The following THEMIS variants were observed in gnomAD, a reference collection of about 807,000 sequenced individuals.
The protein encoded by THEMIS is protein THEMIS.
Under a neutral mutation model 52.6 loss-of-function variants are expected in THEMIS, and 37 were observed. The ratio of observed to expected loss-of-function variants is 0.70; its 90% confidence interval spans 0.54 to 0.93. THEMIS has a LOEUF of 0.93. Ranked by LOEUF, THEMIS falls within the 40% of genes least tolerant of loss-of-function variation. THEMIS has a pLI of 0.00. For synonymous variants in THEMIS, 292 were observed against 272.7 expected (o/e 1.07, Z -0.70); for missense variants, 808 against 763.1 (o/e 1.06, Z -0.69).
the THEMIS span, among the ~76,000 whole-genome samples, chr6:127,696,870 G>A: frequency 8.6e-5 from 13 of 151,990 alleles, no homozygotes; most frequent in South Asian, 2.5e-3. Context: ...TACTGGATTG[G>A]GCCCATCTTA....
chr6:127,835,920 T>C (rs896812537), intron 2 of THEMIS, among the ~76,000 whole-genome samples: 6 of 152,150 alleles, frequency 3.9e-5, no homozygotes, highest in Non-Finnish European at 7.3e-5. Context: ...ACCATCATAA[T>C]TTTATGCCCA....
chr6:127,787,868 TAGATAGATAGATATAG>T (rs1777017901), intron 4 of THEMIS, among the ~76,000 whole-genome samples: 1 of 106,390 alleles, frequency 9.4e-6, no homozygotes, highest in East Asian at 2.9e-4. Context: ...GATAGATAGA[TAGATAGATAGATATAG>T]ATAGATAGAT....
At chr6:127,697,567 T>C in the THEMIS span, among the ~76,000 whole-genome samples, 14 of 152,312 alleles carry the variant, frequency 9.2e-5, no homozygotes, top group South Asian at 2.9e-3. Context: ...TATTTTCTAG[T>C]TTTCTCTACT....
At chr6:127,771,059 G>A (rs1047117818) in intron 4 of THEMIS, among the ~76,000 whole-genome samples, 20 of 152,118 alleles carry the variant, frequency 1.3e-4, no homozygotes, top group African/African-American at 4.8e-4. Flanking sequence ...ATGCTGATAA[G>A]CAACTTCAGC....
chr6:127,744,662 G>A (rs927311507), intron 4 of THEMIS, among the ~76,000 whole-genome samples: 1 of 151,960 alleles, frequency 6.6e-6, no homozygotes, highest in Non-Finnish European at 1.5e-5. Flanking sequence ...AATACTGATT[G>A]CAAGGGGATA....
At chr6:127,715,885 T>C (rs1210992782) in intron 5 of THEMIS, among the ~76,000 whole-genome samples, 1 of 151,892 alleles carries the variant, frequency 6.6e-6, no homozygotes, top group African/African-American at 2.4e-5. Context: ...GTATACCCAC[T>C]ATTTTGATGG....
chr6:127,769,779 A>G (rs1371249250), intron 4 of THEMIS, among the ~76,000 whole-genome samples: 1 of 151,780 alleles, frequency 6.6e-6, no homozygotes, highest in Non-Finnish European at 1.5e-5. Flanking sequence ...CCCCTCCCCC[A>G]TCCTCCAACC....
intron 1 of THEMIS, among the ~76,000 whole-genome samples, chr6:127,874,528 G>A (rs1186940843): frequency 6.6e-6 from 1 of 151,974 alleles, no homozygotes; most frequent in Non-Finnish European, 1.5e-5. Context: ...AATATTTCTA[G>A]GCTACGTTGT....
intron 4 of THEMIS, among the ~76,000 whole-genome samples, chr6:127,722,778 G>C (rs988606468): frequency 6.6e-6 from 1 of 151,830 alleles, no homozygotes; most frequent in African/African-American, 2.4e-5. Context: ...CTCCCTTCTT[G>C]TTGGTATCAT....
chr6:127,763,580 A>T (rs1453613072), intron 4 of THEMIS, among the ~76,000 whole-genome samples: 1 of 151,988 alleles, frequency 6.6e-6, no homozygotes, highest in Non-Finnish European at 1.5e-5. Context: ...CCATGAAAAA[A>T]GTTACCTTAT....
intron 4 of THEMIS, among the ~76,000 whole-genome samples, chr6:127,740,418 C>A (rs1775159449): frequency 7.2e-6 from 1 of 138,872 alleles, no homozygotes; most frequent in Admixed American, 6.9e-5. Flanking sequence ...CTAAAAAAAA[C>A]TTTATTGGAT....
At chr6:127,850,149 C>T (rs928504760) in intron 2 of THEMIS, among the ~76,000 whole-genome samples, 2 of 151,982 alleles carry the variant, frequency 1.3e-5, no homozygotes, top group Non-Finnish European at 2.9e-5. Flanking sequence ...CCCAACATAA[C>T]TAATAATCAG....
At chr6:127,830,122 T>A (rs1188820846) in intron 2 of THEMIS, among the ~76,000 whole-genome samples, 188 bp from the exon 3 acceptor site, 1 of 151,994 alleles carries the variant, frequency 6.6e-6, no homozygotes, top group Non-Finnish European at 1.5e-5. Context: ...TGCTTATAGA[T>A]CACTAGATCA....
At chr6:127,723,908 TA>T (rs1429060303) in intron 4 of THEMIS, among the ~76,000 whole-genome samples, 5 of 152,092 alleles carry the variant, frequency 3.3e-5, no homozygotes, top group African/African-American at 1.2e-4. Flanking sequence ...TCCCTGAAAG[TA>T]AAAACTATGC....
At position 127,708,442 on chromosome 6, in the gene THEMIS, C is replaced by G. The variant is rs1033383073; in HGVS notation, c.*1543G>C. 1 of 152,020 alleles carries G rather than the reference C, an allele frequency of 6.6e-6. No individual in the cohort carries two copies. Among genetic ancestry groups the G allele is most frequent in the Non-Finnish European group, 1.5e-5 (1 of 67,988 alleles). The allele number at this position is 152,020 out of a possible 1,614,324, so 9.4% of individuals were successfully genotyped here. ...CTAAAAGTACAAATTTAATTGTTCT[C>G]AAATTCCAAACAAAAATATTAATTA... is the stretch of plus-strand genomic sequence containing the variant. On this transcript the variant is annotated 3_prime_UTR_variant, in exon 6 of 6. Transcript: ENST00000368248.
intron 4 of THEMIS, among the ~76,000 whole-genome samples, chr6:127,812,635 G>T (rs570894566): frequency 1.3e-5 from 2 of 152,212 alleles, no homozygotes; most frequent in Admixed American, 1.3e-4. Flanking sequence ...GGCAATTTGG[G>T]TCATCATATC....
At chr6:127,719,621 C>A in intron 5 of THEMIS, 67 bp downstream of exon 5, 2 of 1,406,304 alleles carry the variant, frequency 1.4e-6, no homozygotes, top group East Asian at 4.8e-5. Context: ...AGAATCTGTC[C>A]ATTGCACCTT....
intron 1 of THEMIS, among the ~76,000 whole-genome samples, chr6:127,864,312 C>A (rs1284485659): frequency 6.6e-6 from 1 of 151,854 alleles, no homozygotes; most frequent in Non-Finnish European, 1.5e-5. Context: ...CTTCCAAAAT[C>A]TACTCTTTGT....
At chr6:127,878,175 A>G (rs954567578) in intron 1 of THEMIS, among the ~76,000 whole-genome samples, 1 of 152,170 alleles carries the variant, frequency 6.6e-6, no homozygotes, top group African/African-American at 2.4e-5. Context: ...ATTAGTTGCA[A>G]ATATAACATA....
Sources: allele counts gnomAD v4.1 joint callset (sites outside exome capture counted in the v4.1 genomes callset), GRCh38; gene constraint gnomAD v4.1.1; transcripts MANE v1.5; gene names NCBI Gene and HGNC (gene_info 2026-07-23, HGNC 2026-07-21).